Variants in IRF2 observed in about 807,000 individuals in gnomAD.
The protein encoded by IRF2 is interferon regulatory factor 2.
Under a neutral mutation model 40.6 loss-of-function variants are expected in IRF2, and 15 were observed. The ratio of observed to expected loss-of-function variants is 0.37; its 90% CI spans 0.25 to 0.57. The LOEUF is 0.57. Among genes scored for constraint, IRF2 ranks in the 20% least tolerant of loss-of-function variants. The pLI is 0.77. For missense variants in IRF2, 317 were observed against 455.7 expected (o/e 0.70, Z 2.77); for synonymous variants, 151 against 165.5 (o/e 0.91, Z 0.67).
intron 1 of IRF2, among the ~76,000 whole-genome samples, chr4:184,443,191 G>A (rs1459427003): frequency 2.0e-5 from 3 of 152,170 alleles, no homozygotes; most frequent in Non-Finnish European, 2.9e-5. Flanking sequence ...TTCTCAAAGT[G>A]CTGGGATTAC....
chr4:184,471,991 G>A (rs1342181653), intron 1 of IRF2: 1 of 152,136 alleles, frequency 6.6e-6, no homozygotes, highest in Non-Finnish European at 1.5e-5. Context: ...AAGAACTCTT[G>A]GATCTAAGAG....
chr4:184,398,882 C>T (rs1359152342), intron 7 of IRF2, 33 bp downstream of exon 7: 2 of 1,553,208 alleles, frequency 1.3e-6, no homozygotes, highest in Non-Finnish European at 1.7e-6. Context: ...CGGCCGGTTC[C>T]CACGCCTCCC....
intron 1 of IRF2, among the ~76,000 whole-genome samples, chr4:184,433,885 C>T (rs1466970607): frequency 6.6e-6 from 1 of 152,208 alleles, no homozygotes; most frequent in African/African-American, 2.4e-5. Context: ...GGTGAGCGTA[C>T]ATCTTTACTT....
At chr4:184,390,528 C>T (rs1271186979) in intron 8 of IRF2, among the ~76,000 whole-genome samples, 175 bp downstream of exon 8, 2 of 152,308 alleles carry the variant, frequency 1.3e-5, no homozygotes, top group South Asian at 2.1e-4. Context: ...AATTTTATAA[C>T]CCCAAACCCA....
chr4:184,391,104 C>T (rs538483981), intron 7 of IRF2, among the ~76,000 whole-genome samples: 24 of 152,386 alleles, frequency 1.6e-4, no homozygotes, highest in Non-Finnish European at 2.8e-4. Flanking sequence ...TCATTTAATT[C>T]CCAGTGCAGA....
chr4:184,461,634 A>T (rs920467835), intron 1 of IRF2, among the ~76,000 whole-genome samples: 18 of 152,186 alleles, frequency 1.2e-4, no homozygotes, highest in African/African-American at 4.3e-4. Context: ...GACTGAATGG[A>T]TGAATGATCA....
At chr4:184,416,159 T>A (rs1175043666) in intron 5 of IRF2, among the ~76,000 whole-genome samples, 4 of 151,874 alleles carry the variant, frequency 2.6e-5, no homozygotes, top group Non-Finnish European at 5.9e-5. Context: ...AAAGAAAATT[T>A]TTTTAAATTA....
intron 1 of IRF2, among the ~76,000 whole-genome samples, chr4:184,463,546 A>G (rs1739217152): frequency 1.3e-5 from 2 of 152,258 alleles, no homozygotes; most frequent in Admixed American, 1.3e-4. Flanking sequence ...ATATATTATT[A>G]CAATTAATTT....
chr4:184,469,187 G>A (rs1204774909), intron 1 of IRF2, among the ~76,000 whole-genome samples: 1 of 152,136 alleles, frequency 6.6e-6, no homozygotes, highest in African/African-American at 2.4e-5. Flanking sequence ...ATTGATGGAG[G>A]GTCCCGGCTA....
At chr4:184,415,054 C>A (rs898251771) in intron 5 of IRF2, among the ~76,000 whole-genome samples, 1 of 152,148 alleles carries the variant, frequency 6.6e-6, no homozygotes, top group African/African-American at 2.4e-5. Flanking sequence ...CTAGGGAGTT[C>A]ACTTTTCAAA....
At chr4:184,434,389 C>T (rs913697678) in intron 1 of IRF2, among the ~76,000 whole-genome samples, 25 of 152,068 alleles carry the variant, frequency 1.6e-4, no homozygotes, top group Admixed American at 1.4e-3. Flanking sequence ...ATCCATGATA[C>T]GATGAATCAT....
chr4:184,428,643 A>T (rs1400776762), intron 2 of IRF2: 1 of 450,928 alleles, frequency 2.2e-6, no homozygotes, highest in Non-Finnish European at 4.4e-6. Context: ...ACAAAAAAAT[A>T]CAAAAATTGG....
rs756677324 is a variant in IRF2, at chr4:184,408,507, G to A, written c.412-232C>T. Among the ~76,000 whole-genome samples the A allele has an allele frequency of 6.6e-6, 1 of 152,122 alleles. No individual in the cohort carries two copies. The highest frequency in any genetic ancestry group is 1.5e-5 in the Non-Finnish European group (1 of 68,032). On this transcript the variant is annotated intron_variant, in intron 5 of 8. Transcript: ENST00000393593. This position sits in a 1 kb window ranked among gnomAD's most constrained non-coding sequence, Gnocchi z 4.9. ...ATTTTCCTTCAAGGAAACGGTACCGGCCCATCTGGCTTGCCTTTAGGAAAT... is the reference window on the plus strand; with the variant it reads ...ATTTTCCTTCAAGGAAACGGTACCGACCCATCTGGCTTGCCTTTAGGAAAT...
At chr4:184,466,157 T>C (rs1472405545) in intron 1 of IRF2, among the ~76,000 whole-genome samples, 1 of 151,838 alleles carries the variant, frequency 6.6e-6, no homozygotes, top group Non-Finnish European at 1.5e-5. Context: ...TTCAAGCGAT[T>C]CTCCTGCCTC....
intron 1 of IRF2, among the ~76,000 whole-genome samples, chr4:184,440,972 G>A (rs1738283475): frequency 6.6e-6 from 1 of 152,306 alleles, no homozygotes; most frequent in Non-Finnish European, 1.5e-5. Context: ...CAGGAGAAAG[G>A]CCTAGCCTGG....
intron 1 of IRF2, among the ~76,000 whole-genome samples, chr4:184,452,770 CAAAAAAAAA>C (rs530415114): frequency 4.6e-4 from 25 of 53,824 alleles, no homozygotes; most frequent in African/African-American, 1.9e-3. Context: ...GACCCTGTCT[CAAAAAAAAA>C]AAAAAAAAAA....
chr4:184,407,070 A>G (rs747548436), intron 6 of IRF2: 3 of 553,800 alleles, frequency 5.4e-6, no homozygotes, highest in Admixed American at 5.9e-5. Flanking sequence ...ATCAAGAAAC[A>G]CAACAGGGTT....
rs114094084 is a variant in IRF2, at chr4:184,457,902, T to G, written c.-7+16477A>C. Among the ~76,000 whole-genome samples, 936 of 152,062 alleles carry G rather than the reference T, an allele frequency of 6.2e-3. 11 individuals are homozygous for G. The highest frequency in any genetic ancestry group is 0.022 in the African/African-American group (901 of 41,500). On this transcript the variant is annotated intron_variant, in intron 1 of 8. Coordinates refer to ENST00000393593, the MANE Select transcript of IRF2 (RefSeq NM_002199.4). ...TCCTCGGAACAAAACCCTTCCTTAC[T>G]GGGAAACAGGAACACATGCACTGAG...
intron 2 of IRF2, among the ~76,000 whole-genome samples, chr4:184,422,631 T>C (rs1737522076): frequency 6.6e-6 from 1 of 152,188 alleles, no homozygotes; most frequent in Admixed American, 6.5e-5. Flanking sequence ...CATGCTACCA[T>C]GTGGACGAAC....
Sources: allele counts gnomAD v4.1 joint callset (sites outside exome capture counted in the v4.1 genomes callset), GRCh38; gene constraint gnomAD v4.1.1; non-coding constraint Gnocchi (gnomAD v3.1); transcripts MANE v1.5; gene names NCBI Gene and HGNC (gene_info 2026-07-23, HGNC 2026-07-21).